DNAH17: variants seen among roughly 807,000 people sequenced by gnomAD.
The protein encoded by DNAH17 is dynein axonemal heavy chain 17, also known as axonemal beta dynein heavy chain 17.
Under a neutral mutation model 485.6 loss-of-function variants are expected in DNAH17, and 376 were observed. The observed-to-expected ratio is 0.77, with a 90% CI of 0.71 to 0.84. The LOEUF (loss-of-function observed/expected upper bound fraction) is 0.84, where lower values mean the gene tolerates loss of function less well. DNAH17 is among the 40% of genes least tolerant of loss of function. The pLI is 0.00. For missense variants in DNAH17, 6,370 were observed against 5,839.3 expected (o/e 1.09, Z -2.96); for synonymous variants, 3,031 against 2,405.9 (o/e 1.26, Z -7.60).
At chr17:78,428,737 G>A in intron 76 of DNAH17, 30 bp from the exon 77 acceptor site, 1 of 1,611,324 alleles carries the variant, frequency 6.2e-7, no homozygotes, top group Non-Finnish European at 8.5e-7. Context: ...GTAAGCAGAG[G>A]CAAAGCTGTG....
At position 78,468,886 on chromosome 17, in the gene DNAH17, G is replaced by T. The variant is rs2088614627; in HGVS notation, c.8512-3C>A. 6.2e-7 allele frequency: 1 copy of T among 1,611,660 alleles called. No individual in the cohort carries two copies. The highest frequency in any genetic ancestry group is 1.3e-5 in the African/African-American group (1 of 75,068). Reference sequence around the variant, plus strand: ...ATGTACTGAGCAGCGAGGTCAATCTGGACGGAGTGAGGACACGCTTAGGGG... The same window carrying T: ...ATGTACTGAGCAGCGAGGTCAATCTTGACGGAGTGAGGACACGCTTAGGGG... On this transcript the variant is annotated splice_polypyrimidine_tract_variant and splice_region_variant and intron_variant, in intron 54 of 80. Coordinates refer to ENST00000389840, the MANE Select transcript of DNAH17 (RefSeq NM_173628.4).
chr17:78,540,013 G>A, intron 17 of DNAH17, 133 bp from the exon 18 acceptor site: 1 of 847,800 alleles, frequency 1.2e-6, no homozygotes, highest in East Asian at 3.2e-5. Flanking sequence ...TGAGCATCTT[G>A]CTGGTGCTGG....
intron 54 of DNAH17, among the ~76,000 whole-genome samples, chr17:78,473,332 C>T (rs984936423): frequency 5.3e-5 from 8 of 152,026 alleles, no homozygotes; most frequent in Non-Finnish European, 5.9e-5. Context: ...ATCACGAGGT[C>T]AGGAGATTGA....
chr17:78,457,513 G>A (rs1376518891), intron 62 of DNAH17, among the ~76,000 whole-genome samples: 2 of 152,000 alleles, frequency 1.3e-5, no homozygotes, highest in African/African-American at 4.8e-5. Flanking sequence ...GGATATTTGG[G>A]GTTAAATAAA....
At chr17:78,571,152 G>A in intron 5 of DNAH17, 119 bp from the exon 6 acceptor site, 3 of 1,271,880 alleles carry the variant, frequency 2.4e-6, no homozygotes, top group Non-Finnish European at 3.4e-6. Flanking sequence ...TTTCTCAAGT[G>A]GAGGGGGCTG....
At chr17:78,476,354 CGTGG>C (rs1290207494) in intron 52 of DNAH17, among the ~76,000 whole-genome samples, 3 of 150,144 alleles carry the variant, frequency 2.0e-5, no homozygotes, top group Non-Finnish European at 3.0e-5. Flanking sequence ...GGAGTTATCG[CGTGG>C]AACCCTCGGA....
In DNAH17 at chr17:78,501,828, T is replaced by C. The variant is rs1175207920; in HGVS notation, c.5236A>G (p.Asn1746Asp). Residue 1746 changes from asparagine (N) to aspartate (D), a missense_variant, in exon 34 of 81, where the codon AAC becomes GAC. By Grantham distance (23) the Asn-to-Asp change is conservative. Coordinates refer to ENST00000389840, the MANE Select transcript of DNAH17 (RefSeq NM_173628.4). ...ATGATCTTCATCCTGTCGCCAGCGT[T>C]GAGGTTCCCCATGAGCAGCGTGATG... is the stretch of plus-strand genomic sequence containing the variant. ...VLITLLMGNL[N>D]AGDRMKIMTI... is the part of the protein sequence containing the mutation. 1 of 1,613,818 alleles carries C rather than the reference T, an allele frequency of 6.2e-7. No homozygotes were observed. Among genetic ancestry groups the C allele is most frequent in the Non-Finnish European group, 8.5e-7 (1 of 1,179,832 alleles).
intron 58 of DNAH17, 81 bp from the exon 59 acceptor site, chr17:78,460,338 G>GTGTGTGCATGTGTGTGCATGTGTGTGCA: frequency 3.3e-6 from 3 of 910,936 alleles, no homozygotes; most frequent in South Asian, 1.6e-5. Flanking sequence ...GTGTGTGCAT[G>GTGTGTGCATGTGTGTGCATGTGTGTGCA]TGTGTGCATG....
At chr17:78,510,588 A>G (rs2090608185) in intron 26 of DNAH17, 82 bp from the exon 27 acceptor site, 1 of 1,568,790 alleles carries the variant, frequency 6.4e-7, no homozygotes, top group Admixed American at 1.7e-5. Flanking sequence ...CTTCATGGAG[A>G]GCCATTGCCG....
rs61746975 is a variant in DNAH17 at position 78,499,013 on chromosome 17, C to T, written c.5740G>A (p.Val1914Met). 9,295 of 1,607,106 alleles carry T rather than the reference C, an allele frequency of 5.8e-3. 427 individuals carry two copies. In the African/African-American group the frequency reaches 0.1, roughly 18 times the overall value. ...CCGCAGGCAGGGGACTTTACCTGCA[C>T]GGCAATCACAGACAAGACTTCCACT... ...ISVEVLSVIA[V>M]QVKCVQDAIR... The change falls in exon 37 of 81, where the codon GTG becomes ATG. Residue 1914 changes from valine to methionine, a missense_variant. Transcript: ENST00000389840.
At chr17:78,542,413 G>A (rs935161665) in intron 17 of DNAH17, among the ~76,000 whole-genome samples, 2 of 152,134 alleles carry the variant, frequency 1.3e-5, no homozygotes, top group Admixed American at 6.6e-5. Context: ...CTCCCAAAGT[G>A]CTGGGACTAC....
At chr17:78,533,767 C>T (rs2091301492) in intron 19 of DNAH17, among the ~76,000 whole-genome samples, 1 of 152,192 alleles carries the variant, frequency 6.6e-6, no homozygotes, top group Non-Finnish European at 1.5e-5. Context: ...TCACTACACC[C>T]TCTGCCTCCC....
At position 78,571,731 on chromosome 17, in the gene DNAH17, G is replaced by T; in HGVS notation, c.591C>A (p.Ile197=). The T allele has an allele frequency of 6.2e-7, 1 of 1,612,382 alleles. No homozygotes were observed. The highest frequency in any genetic ancestry group is 2.2e-5 in the East Asian group (1 of 44,870). The change falls in exon 4 of 81, where the codon ATC becomes ATA. Residue 197 remains isoleucine (I), a synonymous_variant. Coordinates refer to ENST00000389840, the MANE Select transcript of DNAH17 (RefSeq NM_173628.4). The stretch of plus-strand genomic sequence containing the variant: ...CCCGGATCTGGTGGGACCAGTCGAT[G>T]ATGGTGGTTTCAATGGCGTGCAGGA... ...NLLLHAIETT[I]IDWSHQIRDV...
At chr17:78,484,818 C>T (rs2089523642) in intron 48 of DNAH17, 50 bp downstream of exon 48, 3 of 1,464,950 alleles carry the variant, frequency 2.0e-6, no homozygotes, top group Non-Finnish European at 2.7e-6. Context: ...CTGGCCCCGC[C>T]CTCACCGCCC....
intron 78 of DNAH17, 67 bp downstream of exon 78, chr17:78,426,843 TAGGCCTGGGTTGCCAG>T (rs911759121): frequency 9.3e-6 from 14 of 1,498,562 alleles, no homozygotes; most frequent in South Asian, 2.4e-5. Flanking sequence ...GGGCCTGTGC[TAGGCCTGGGTTGCCAG>T]AGGCCTGGGT....
intron 18 of DNAH17, among the ~76,000 whole-genome samples, chr17:78,538,428 G>C (rs2091435962): frequency 6.6e-6 from 1 of 152,192 alleles, no homozygotes; most frequent in Non-Finnish European, 1.5e-5. Flanking sequence ...CAGGCTGTGA[G>C]ATCACACTGT....
rs1240465705 is a variant in DNAH17 at position 78,423,829 on chromosome 17, A to C, written c.*77T>G. On this transcript the variant is annotated 3_prime_UTR_variant, in exon 81 of 81. Coordinates refer to ENST00000389840, the MANE Select transcript of DNAH17 (RefSeq NM_173628.4). ...AAACCACCACCAGTTCCTGTAAAGA[A>C]TAAGTCACAGGTGCACAGGTGAAGG... 1.9e-6 allele frequency: 3 copies of C among 1,546,828 alleles called. No homozygotes were observed. The African/African-American group carries it at 4.1e-5, about 21-fold the overall frequency.
chr17:78,511,818 GTTGT>G (rs1803730688), intron 26 of DNAH17, among the ~76,000 whole-genome samples: 1 of 152,234 alleles, frequency 6.6e-6, no homozygotes, highest in Non-Finnish European at 1.5e-5. Context: ...TATTTAGCTG[GTTGT>G]TTATCACCGC....
chr17:78,528,923 G>A (rs966546127), intron 22 of DNAH17, among the ~76,000 whole-genome samples: 1 of 150,890 alleles, frequency 6.6e-6, no homozygotes, highest in Non-Finnish European at 1.5e-5. Flanking sequence ...CACTCAGGAG[G>A]AGACATGGGA....
Sources: gnomAD v4.1 joint callset for allele counts (sites outside exome capture counted in the v4.1 genomes callset) on GRCh38, gnomAD v4.1.1 for gene constraint, MANE v1.5 for transcripts, NCBI Gene and HGNC (gene_info 2026-07-23, HGNC 2026-07-21) for gene names.